The following FAT3 variants were observed in gnomAD, a reference collection of about 807,000 sequenced individuals.
FAT3 encodes the protein protocadherin Fat 3.
A neutral mutation model predicts 310.2 loss-of-function variants in FAT3; 95 were observed. The ratio of observed to expected loss-of-function variants is 0.31; its 90% CI spans 0.26 to 0.36. FAT3 has a LOEUF of 0.36. Among genes scored for constraint, FAT3 ranks in the 10% least tolerant of loss-of-function variants. The pLI is 1.00. For synonymous variants in FAT3, 2,314 were observed against 2,192.9 expected (o/e 1.06, Z -1.54); for missense variants, 5,408 against 5,715.6 (o/e 0.95, Z 1.74).
chr11:92,507,642 GA>G (rs1479421284), intron 2 of FAT3, among the ~76,000 whole-genome samples: 2 of 150,612 alleles, frequency 1.3e-5, no homozygotes, highest in Admixed American at 6.6e-5. Context: ...AGGAGATGTG[GA>G]ATATATACAT....
chr11:92,659,720 A>T (rs1389425620), intron 3 of FAT3, among the ~76,000 whole-genome samples: 1 of 152,178 alleles, frequency 6.6e-6, no homozygotes, highest in Admixed American at 6.5e-5. Context: ...ATGGTAGAAG[A>T]TGGCCTTGTT....
rs1948272130 is a variant in FAT3, at chr11:92,831,945, G to A, written c.9805G>A (p.Ala3269Thr). The A allele has an allele frequency of 6.3e-7, 1 of 1,593,470 alleles. No individual in the cohort carries two copies. Among genetic ancestry groups the A allele is most frequent in the African/African-American group, 1.3e-5 (1 of 74,596 alleles). ...FATSKDIGTN[A>T]EITYLIRSGN... is the part of the protein sequence containing the mutation. ...CACCAGCAAAGATATTGGCACAAATGCTGAGATCACTTATCTCATCCGGTC... is the reference window on the plus strand; with the variant it reads ...CACCAGCAAAGATATTGGCACAAATACTGAGATCACTTATCTCATCCGGTC... Residue 3269 changes from alanine (A) to threonine (T), a missense_variant, in exon 14 of 28, where the codon GCT becomes ACT. By Grantham distance (58) the Ala-to-Thr change is moderately conservative. Transcript: ENST00000525166.
intron 2 of FAT3, among the ~76,000 whole-genome samples, chr11:92,443,078 C>T (rs1951115026): frequency 6.6e-6 from 1 of 152,290 alleles, no homozygotes; most frequent in Non-Finnish European, 1.5e-5. Context: ...ACGAACATAA[C>T]TATTTCAAAT....
intron 22 of FAT3, among the ~76,000 whole-genome samples, chr11:92,867,779 A>T (rs1380215367): frequency 6.6e-6 from 1 of 152,234 alleles, no homozygotes; most frequent in Admixed American, 6.5e-5. Flanking sequence ...TTTACAAAGG[A>T]GTAGAAAGTC....
At chr11:92,849,020 C>T (rs552455524) in intron 19 of FAT3, among the ~76,000 whole-genome samples, 4 of 152,310 alleles carry the variant, frequency 2.6e-5, no homozygotes, top group Non-Finnish European at 5.9e-5. Context: ...CAAGCCATGA[C>T]CAGTTCGCAT....
intron 22 of FAT3, 117 bp downstream of exon 22, chr11:92,867,326 C>G (rs1263687381): frequency 9.5e-7 from 1 of 1,055,092 alleles, no homozygotes; most frequent in African/African-American, 1.6e-5. Context: ...GTATTCACAC[C>G]CAAGATGCTC....
intron 2 of FAT3, among the ~76,000 whole-genome samples, chr11:92,455,335 T>C (rs1265752805): frequency 6.6e-6 from 1 of 152,182 alleles, no homozygotes; most frequent in Non-Finnish European, 1.5e-5. Flanking sequence ...TCCCAGAAAT[T>C]GTGGCTCTGA....
intron 19 of FAT3, among the ~76,000 whole-genome samples, chr11:92,845,710 G>A (rs745432352): frequency 2.0e-5 from 3 of 152,200 alleles, no homozygotes; most frequent in African/African-American, 4.8e-5. Flanking sequence ...TCTAGCCAGT[G>A]TGAATTTGGT....
intron 2 of FAT3, among the ~76,000 whole-genome samples, chr11:92,453,599 C>T (rs1951419766): frequency 1.3e-5 from 2 of 152,082 alleles, no homozygotes; most frequent in African/African-American, 4.8e-5. Flanking sequence ...TAAGCATAGT[C>T]TAGCTCTGAG....
intron 2 of FAT3, among the ~76,000 whole-genome samples, chr11:92,364,628 T>A (rs1423962977): frequency 6.6e-6 from 1 of 152,238 alleles, no homozygotes. Flanking sequence ...TAGTCTGTAT[T>A]TTTCACTTGC....
chr11:92,889,033 A>C (rs1460979691), intron 25 of FAT3, among the ~76,000 whole-genome samples, 156 bp from the exon 26 acceptor site: 1 of 152,162 alleles, frequency 6.6e-6, no homozygotes, highest in Non-Finnish European at 1.5e-5. Context: ...GTCCACTGAT[A>C]CACTTCCTAA....
chr11:92,813,317 AAAT>A (rs1237232837), intron 13 of FAT3, among the ~76,000 whole-genome samples: 9 of 152,182 alleles, frequency 5.9e-5, no homozygotes, highest in Admixed American at 5.2e-4. Flanking sequence ...GGAAGTTGCA[AAAT>A]AATATATAGG....
chr11:92,278,763 C>T (rs1946346446), intron 1 of FAT3, among the ~76,000 whole-genome samples: 1 of 152,132 alleles, frequency 6.6e-6, no homozygotes, highest in African/African-American at 2.4e-5. Context: ...GAACATGCAG[C>T]AATTCATCTT....
intron 3 of FAT3, among the ~76,000 whole-genome samples, chr11:92,655,201 A>T (rs1265715104): frequency 6.7e-6 from 1 of 149,316 alleles, no homozygotes; most frequent in Non-Finnish European, 1.5e-5. Context: ...ACTATCTAGG[A>T]TAGGTAAATG....
At chr11:92,860,889 T>C (rs1949102569) in intron 21 of FAT3, among the ~76,000 whole-genome samples, 2 of 152,340 alleles carry the variant, frequency 1.3e-5, no homozygotes, top group East Asian at 3.9e-4. Flanking sequence ...TTGGTTACTT[T>C]TGTAAGCAGT....
intron 3 of FAT3, among the ~76,000 whole-genome samples, chr11:92,552,918 C>G (rs1481423891): frequency 1.7e-4 from 25 of 150,486 alleles, no homozygotes; most frequent in Admixed American, 1.6e-3. Context: ...CCACTGCACT[C>G]CAGCCTGGGT....
At chr11:92,669,460 C>T (rs114511938) in intron 3 of FAT3, among the ~76,000 whole-genome samples, 1,629 of 152,288 alleles carry the variant, frequency 0.011, 30 homozygotes, top group African/African-American at 0.036. Context: ...GTGTGCATTG[C>T]GTTTATGCCT....
intron 1 of FAT3, among the ~76,000 whole-genome samples, chr11:92,315,516 G>T (rs867911683): frequency 0.062 from 4,168 of 67,314 alleles, 49 homozygotes; most frequent in Non-Finnish European, 0.087. Flanking sequence ...TATATATAGA[G>T]AGAGAGAGAG....
chr11:92,248,733 T>G (rs1268049984), intron 1 of FAT3, among the ~76,000 whole-genome samples: 2 of 149,778 alleles, frequency 1.3e-5, no homozygotes, highest in Non-Finnish European at 3.0e-5. Flanking sequence ...ATTTCAAAAC[T>G]TAATATATCA....
Sources: allele counts gnomAD v4.1 joint callset (sites outside exome capture counted in the v4.1 genomes callset), GRCh38; gene constraint gnomAD v4.1.1; transcripts MANE v1.5; gene names NCBI Gene and HGNC (gene_info 2026-07-23, HGNC 2026-07-21).